CA1: variants seen among roughly 807,000 people sequenced by gnomAD.
CA1 encodes carbonate dehydratase I.
In CA1, 27 loss-of-function variants were observed where a neutral mutation model predicts 28.8. That is an observed-to-expected ratio of 0.94 (90% CI 0.69 to 1.29). The LOEUF is 1.29. Ranked by LOEUF, CA1 falls within the 50% of genes most tolerant of loss-of-function variation. CA1 has a pLI of 0.00. For missense variants in CA1, 335 were observed against 310.5 expected, an observed-to-expected ratio of 1.08 and a Z score of -0.59; for synonymous variants, 121 against 108.8, an observed-to-expected ratio of 1.11 and a Z score of -0.70.
intron 4 of CA1, among the ~76,000 whole-genome samples, chr8:85,334,630 T>C (rs28494527): frequency 0.74 from 109,754 of 149,010 alleles, 41,264 homozygotes; most frequent in African/African-American, 0.86. Context: ...CTTCCTTCCT[T>C]CCTCCCTCCC....
chr8:85,362,149 A>G (rs1373455455), intron 1 of CA1, among the ~76,000 whole-genome samples: 1 of 152,118 alleles, frequency 6.6e-6, no homozygotes, highest in African/African-American at 2.4e-5. Context: ...TGCCTCCTAC[A>G]TTCCTTGGCT....
intron 1 of CA1, among the ~76,000 whole-genome samples, chr8:85,364,588 T>G (rs1032404267): frequency 6.6e-5 from 10 of 152,222 alleles, no homozygotes; most frequent in Admixed American, 1.3e-4. Flanking sequence ...ACAAACACTT[T>G]GAGCACATCC....
At chr8:85,365,837 TAGA>T (rs1179796157) in intron 1 of CA1, among the ~76,000 whole-genome samples, 2 of 152,100 alleles carry the variant, frequency 1.3e-5, no homozygotes, top group Non-Finnish European at 2.9e-5. Flanking sequence ...AGTCAATCAG[TAGA>T]ATAAGGAAGG....
At chr8:85,330,203 T>G (rs1808344682) in intron 6 of CA1, among the ~76,000 whole-genome samples, 1 of 152,160 alleles carries the variant, frequency 6.6e-6, no homozygotes, top group Non-Finnish European at 1.5e-5. Flanking sequence ...TGATGCCAGA[T>G]TCTATTTCAA....
chr8:85,339,179 G>T (rs572498620), intron 2 of CA1, among the ~76,000 whole-genome samples: 1 of 152,158 alleles, frequency 6.6e-6, no homozygotes, highest in Non-Finnish European at 1.5e-5. Context: ...GTTCTTTGCA[G>T]ATATTGCATT....
chr8:85,331,698 T>C (rs1808411978), intron 6 of CA1, among the ~76,000 whole-genome samples: 1 of 152,072 alleles, frequency 6.6e-6, no homozygotes, highest in African/African-American at 2.4e-5. Context: ...CCTCAAGCAA[T>C]CTACCCGCCT....
chr8:85,375,988 GAAT>G (rs1810400694), intron 1 of CA1, among the ~76,000 whole-genome samples: 1 of 152,168 alleles, frequency 6.6e-6, no homozygotes, highest in Admixed American at 6.5e-5. Context: ...GTCGAGTAGT[GAAT>G]AATATCCTAT....
At chr8:85,372,438 A>G (rs1473977551) in intron 1 of CA1, among the ~76,000 whole-genome samples, 14 of 152,188 alleles carry the variant, frequency 9.2e-5, no homozygotes, top group Non-Finnish European at 4.4e-5. Flanking sequence ...TAAACACAGA[A>G]CTACCTTATG....
chr8:85,344,179 AAT>A (rs947631546), intron 1 of CA1, among the ~76,000 whole-genome samples: 5 of 118,496 alleles, frequency 4.2e-5, no homozygotes, highest in Non-Finnish European at 6.4e-5. Context: ...TACTGTATAT[AAT>A]ATATAATTAT....
intron 7 of CA1, 75 bp from the exon 8 acceptor site, chr8:85,328,751 C>T (rs952024120): frequency 2.1e-4 from 180 of 845,104 alleles, no homozygotes; most frequent in Middle Eastern, 3.5e-4. Context: ...GGATTACTAA[C>T]GCACTGATAT....
chr8:85,367,945 T>C (rs1194591301), intron 1 of CA1, among the ~76,000 whole-genome samples: 3 of 152,086 alleles, frequency 2.0e-5, no homozygotes, highest in Non-Finnish European at 4.4e-5. Flanking sequence ...ATTAAATAAA[T>C]TGAAAGTATT....
At chr8:85,344,786 A>G (rs974182176) in intron 1 of CA1, among the ~76,000 whole-genome samples, 19 of 152,206 alleles carry the variant, frequency 1.2e-4, no homozygotes, top group African/African-American at 4.6e-4. Flanking sequence ...CCTTGGCAGG[A>G]CCAAATTCCA....
At chr8:85,346,820 C>CA (rs200877844) in intron 1 of CA1, among the ~76,000 whole-genome samples, 4,481 of 144,552 alleles carry the variant, frequency 0.031, 93 homozygotes, top group East Asian at 0.11. Context: ...ACATAAGCCT[C>CA]AAAAAAAAAA....
At chr8:85,366,033 C>T (rs1809992410) in intron 1 of CA1, among the ~76,000 whole-genome samples, 1 of 152,134 alleles carries the variant, frequency 6.6e-6, no homozygotes, top group Non-Finnish European at 1.5e-5. Context: ...TTGCCTTTGC[C>T]AATGTCCTAT....
intron 1 of CA1, among the ~76,000 whole-genome samples, chr8:85,365,401 C>T (rs1175332959): frequency 6.6e-6 from 1 of 152,150 alleles, no homozygotes; most frequent in East Asian, 1.9e-4. Context: ...CATGATAAAC[C>T]TCTATGACTT....
Position 85,328,491 on chromosome 8 carries a change from T to C in CA1, c.*69A>G. On this transcript the variant is annotated 3_prime_UTR_variant, in exon 8 of 8. Coordinates refer to ENST00000523022, the MANE Select transcript of CA1 (RefSeq NM_001128831.4). ...AAATAAATTTATTTCTTAAAAATTA[T>C]TATTTTACTGGATTATGTCAGAAGC... The C allele has an allele frequency of 1.2e-6, 1 of 863,748 alleles. No individual in the cohort carries two copies. Among genetic ancestry groups the C allele is most frequent in the East Asian group, 2.4e-5 (1 of 40,852 alleles). The allele number at this position is 863,748 out of a possible 1,614,324, so 53.5% of individuals were successfully genotyped here. A position where few individuals can be genotyped will look rare whatever the true frequency, so the allele number is the denominator to read the frequency against.
At chr8:85,342,092 C>T (rs964913194) in intron 1 of CA1, among the ~76,000 whole-genome samples, 5 of 151,996 alleles carry the variant, frequency 3.3e-5, no homozygotes, top group African/African-American at 4.8e-5. Flanking sequence ...TGTGTGTTTA[C>T]AGGCTGATCT....
At chr8:85,350,708 C>T (rs759415829) in intron 1 of CA1, among the ~76,000 whole-genome samples, 1 of 152,140 alleles carries the variant, frequency 6.6e-6, no homozygotes, top group African/African-American at 2.4e-5. Context: ...TCCCCAGGTT[C>T]GAGTCAATAA....
chr8:85,366,064 C>A (rs1285964036), intron 1 of CA1, among the ~76,000 whole-genome samples: 1 of 152,084 alleles, frequency 6.6e-6, no homozygotes, highest in Admixed American at 6.5e-5. Flanking sequence ...CTTCTGCAGG[C>A]CAACTCTAGC....
Sources: allele counts gnomAD v4.1 joint callset (sites outside exome capture counted in the v4.1 genomes callset), GRCh38; gene constraint gnomAD v4.1.1; transcripts MANE v1.5; gene names NCBI Gene and HGNC (gene_info 2026-07-23, HGNC 2026-07-21).